PID1: variants seen among roughly 807,000 people sequenced by gnomAD.
PID1 encodes phosphotyrosine interaction domain containing 1.
PID1 carries 10 observed loss-of-function variants against 19.1 expected under a neutral mutation model. The observed-to-expected ratio is 0.52, with a 90% CI of 0.32 to 0.89. The LOEUF is 0.89. PID1 is among the 40% of genes least tolerant of loss of function. PID1 has a pLI of 0.03. For missense variants in PID1, 248 were observed against 285.3 expected (o/e 0.87, Z 0.94); for synonymous variants, 130 against 116.0 (o/e 1.12, Z -0.78).
intron 2 of PID1, among the ~76,000 whole-genome samples, chr2:229,109,223 C>A (rs1012549692): frequency 1.3e-5 from 2 of 152,104 alleles, no homozygotes. Context: ...TGGGGAGATT[C>A]TTTGAATCTT....
At chr2:229,065,724 A>AAC (rs1694311586) in intron 2 of PID1, among the ~76,000 whole-genome samples, 3 of 151,180 alleles carry the variant, frequency 2.0e-5, no homozygotes, top group South Asian at 4.2e-4. Flanking sequence ...AAAAAAAAAA[A>AAC]AAAAAAAACA....
At chr2:229,236,086 T>C (rs551035107) in intron 1 of PID1, among the ~76,000 whole-genome samples, 12 of 152,290 alleles carry the variant, frequency 7.9e-5, no homozygotes, top group Admixed American at 3.3e-4. Context: ...GAAGATGATC[T>C]GTTGAGGCTC....
rs1312330406 is a variant in PID1, at chr2:229,150,158, TG to T, written c.177+5659del. On this transcript the variant is annotated intron_variant, in intron 2 of 2. Transcript: ENST00000392055. ...CTGAAGCAGGAGAATCGCTTGAACC[TG>T]GGAGGTGGAAAGGTTGCAGTGAGCT... Among the ~76,000 whole-genome samples, 4 of 147,478 alleles carry T rather than the reference TG, an allele frequency of 2.7e-5. No individual in the cohort carries two copies. The East Asian group carries it at 8.0e-4, about 29-fold the overall frequency.
At chr2:229,127,950 T>C (rs564097387) in intron 2 of PID1, among the ~76,000 whole-genome samples, 2 of 152,332 alleles carry the variant, frequency 1.3e-5, no homozygotes, top group South Asian at 2.1e-4. Context: ...CCAGCCACCA[T>C]GCAGCTCATC....
chr2:229,237,029 CT>C (rs1689721320), intron 1 of PID1, among the ~76,000 whole-genome samples: 2 of 149,106 alleles, frequency 1.3e-5, no homozygotes, highest in African/African-American at 2.5e-5. Context: ...CACACACTGA[CT>C]TCTAATATAG....
intron 1 of PID1, 125 bp downstream of exon 1, chr2:229,270,888 GC>G: frequency 1.3e-6 from 1 of 760,606 alleles, no homozygotes; most frequent in Non-Finnish European, 2.1e-6. Context: ...GCATCATGTT[GC>G]CATCGATGCG....
At chr2:229,209,251 T>A (rs1412212678) in intron 1 of PID1, among the ~76,000 whole-genome samples, 1 of 152,198 alleles carries the variant, frequency 6.6e-6, no homozygotes, top group African/African-American at 2.4e-5. Flanking sequence ...TTGCAAACCC[T>A]CACCTACATA....
intron 1 of PID1, among the ~76,000 whole-genome samples, chr2:229,210,686 G>C (rs1323858933): frequency 6.6e-6 from 1 of 152,014 alleles, no homozygotes; most frequent in Non-Finnish European, 1.5e-5. Flanking sequence ...ATTTTATTGA[G>C]AACATAGGAA....
intron 2 of PID1, among the ~76,000 whole-genome samples, chr2:229,030,496 G>A (rs1247359987): frequency 1.3e-5 from 2 of 152,162 alleles, no homozygotes; most frequent in Non-Finnish European, 2.9e-5. Context: ...TGCCTGAAAT[G>A]AGGTATATTT....
intron 1 of PID1, among the ~76,000 whole-genome samples, chr2:229,255,995 G>A (rs1244653351): frequency 6.6e-6 from 1 of 152,194 alleles, no homozygotes; most frequent in Non-Finnish European, 1.5e-5. Context: ...AGTAAAATCA[G>A]TTACCACCTT....
intron 2 of PID1, among the ~76,000 whole-genome samples, chr2:229,037,909 C>G (rs923583671): frequency 1.3e-5 from 2 of 152,170 alleles, no homozygotes; most frequent in Non-Finnish European, 2.9e-5. Flanking sequence ...GTCATCCTGA[C>G]AAATGGATTC....
chr2:229,155,692 TA>T (rs1553568666), intron 2 of PID1, 125 bp downstream of exon 2: 1 of 385,306 alleles, frequency 2.6e-6, no homozygotes, highest in Non-Finnish European at 4.4e-6. Context: ...TCTGTGAATT[TA>T]TTTTGTTGGT....
chr2:229,036,775 A>G (rs1187274275), intron 2 of PID1, among the ~76,000 whole-genome samples: 1 of 152,130 alleles, frequency 6.6e-6, no homozygotes, highest in Non-Finnish European at 1.5e-5. Flanking sequence ...CAAAACAAAA[A>G]AACCCGAAAA....
chr2:229,206,775 G>A (rs1399196766), intron 1 of PID1, among the ~76,000 whole-genome samples: 1 of 152,134 alleles, frequency 6.6e-6, no homozygotes, highest in Non-Finnish European at 1.5e-5. Context: ...ATTTGCATTG[G>A]CAGGGACAAC....
chr2:229,151,524 G>A (rs1249003684), intron 2 of PID1, among the ~76,000 whole-genome samples: 1 of 151,646 alleles, frequency 6.6e-6, no homozygotes, highest in Non-Finnish European at 1.5e-5. Flanking sequence ...GTTCTTTAAT[G>A]TCAGTTCTGT....
chr2:229,065,283 G>A (rs1694300439), intron 2 of PID1, among the ~76,000 whole-genome samples: 1 of 152,098 alleles, frequency 6.6e-6, no homozygotes, highest in African/African-American at 2.4e-5. Flanking sequence ...TTCTAGTCTA[G>A]TTTTTAGGTG....
At chr2:229,143,157 G>C (rs1690053437) in intron 2 of PID1, among the ~76,000 whole-genome samples, 1 of 148,110 alleles carries the variant, frequency 6.8e-6, no homozygotes, top group Non-Finnish European at 1.5e-5. Flanking sequence ...GAGAACACAT[G>C]GACACAGGAA....
chr2:229,257,169 G>C (rs534196065), intron 1 of PID1, among the ~76,000 whole-genome samples: 2 of 152,284 alleles, frequency 1.3e-5, no homozygotes, highest in East Asian at 3.9e-4. Context: ...AACTGAGTCA[G>C]ATAATCCACC....
intron 1 of PID1, among the ~76,000 whole-genome samples, chr2:229,238,484 G>A (rs557201320): frequency 4.6e-5 from 7 of 152,140 alleles, no homozygotes; most frequent in African/African-American, 1.2e-4. Flanking sequence ...CTCTAGCAGC[G>A]CAATCGATTA....
Sources: gnomAD v4.1 joint callset for allele counts (sites outside exome capture counted in the v4.1 genomes callset) on GRCh38, gnomAD v4.1.1 for gene constraint, MANE v1.5 for transcripts, NCBI Gene and HGNC (gene_info 2026-07-23, HGNC 2026-07-21) for gene names.